The following STK39 variants were observed in gnomAD, a reference collection of about 807,000 sequenced individuals.
STK39 encodes STE20/SPS1-related proline-alanine-rich protein kinase.
A neutral mutation model predicts 77.8 loss-of-function variants in STK39; 20 were observed. That is an observed-to-expected ratio of 0.26 (90% confidence interval 0.18 to 0.37). The LOEUF is 0.37. STK39 is among the 10% of genes least tolerant of loss of function. STK39 has a pLI of 1.00. For synonymous variants in STK39, 246 were observed against 234.1 expected, an observed-to-expected ratio of 1.05 and a Z score of -0.47; for missense variants, 479 against 656.5, an observed-to-expected ratio of 0.73 and a Z score of 2.95.
At chr2:167,960,737 T>G (rs1240522109) in intron 17 of STK39, among the ~76,000 whole-genome samples, 2 of 151,908 alleles carry the variant, frequency 1.3e-5, no homozygotes, top group Non-Finnish European at 2.9e-5. Context: ...CAAATGCGGG[T>G]GCATTTTGGA....
chr2:168,140,346 T>A lies in STK39; in HGVS notation c.783A>T (p.Ile261=), dbSNP rs1241775409. ...CTCCTGTTGCTAATTCAATGGCAGTTATTCCAAAACTCCACATGTCAGCCT... is the reference window on the plus strand; with the variant it reads ...CTCCTGTTGCTAATTCAATGGCAGTAATTCCAAAACTCCACATGTCAGCCT... ...DFKADMWSFG[I]TAIELATGAA... Residue 261 remains isoleucine, a synonymous_variant, in exon 7 of 18, where the codon ATA becomes ATT. Transcript: ENST00000355999. 1 of 1,613,984 alleles carries A rather than the reference T, an allele frequency of 6.2e-7. No individual in the cohort carries two copies. Among genetic ancestry groups the A allele is most frequent in the African/African-American group, 1.3e-5 (1 of 74,932 alleles).
At chr2:168,244,365 A>G (rs1425876479) in intron 1 of STK39, among the ~76,000 whole-genome samples, 1 of 152,242 alleles carries the variant, frequency 6.6e-6, no homozygotes, top group Non-Finnish European at 1.5e-5. Flanking sequence ...AAATGAAGAA[A>G]AAGTCCTCCG....
chr2:168,025,321 C>T (rs114223420), intron 14 of STK39, among the ~76,000 whole-genome samples: 17 of 152,338 alleles, frequency 1.1e-4, no homozygotes, highest in East Asian at 1.9e-4. Context: ...ATCTCCAAAA[C>T]GGAATGTATC....
At chr2:167,959,995 G>A (rs1005500900) in intron 17 of STK39, among the ~76,000 whole-genome samples, 1 of 152,170 alleles carries the variant, frequency 6.6e-6, no homozygotes, top group South Asian at 2.1e-4. Context: ...CAATTTCAAA[G>A]TGAAGGAGAA....
At chr2:168,190,833 A>G (rs1689321790) in intron 1 of STK39, among the ~76,000 whole-genome samples, 1 of 152,190 alleles carries the variant, frequency 6.6e-6, no homozygotes, top group Non-Finnish European at 1.5e-5. Context: ...GGCAATATTG[A>G]AAAACTTCCT....
chr2:168,105,612 GA>G (rs1686948777), intron 10 of STK39, among the ~76,000 whole-genome samples: 1 of 152,190 alleles, frequency 6.6e-6, no homozygotes, highest in Non-Finnish European at 1.5e-5. Context: ...AAATTAAAGG[GA>G]AAATGTTAAA....
In STK39 at chr2:168,167,308, G is replaced by C; in HGVS notation, c.421C>G (p.Leu141Val). The change falls in exon 3 of 18, where the codon CTA becomes GTA. Residue 141 changes from leucine to valine, a missense_variant. Coordinates refer to ENST00000355999, the MANE Select transcript of STK39 (RefSeq NM_013233.3). ...KDELWLVMKLLSGGSMLDIIK... is the reference protein window; with the variant it reads ...KDELWLVMKLVSGGSMLDIIK... Reference sequence around the variant, plus strand: ...AACAAAATCCACTTACCTCCACTTAGTAATTTCATGACCAGCCAAAGTTCA... The same window carrying C: ...AACAAAATCCACTTACCTCCACTTACTAATTTCATGACCAGCCAAAGTTCA... The C allele has an allele frequency of 6.2e-7, 1 of 1,613,308 alleles. No homozygotes were observed. Among genetic ancestry groups the C allele is most frequent in the South Asian group, 1.1e-5 (1 of 91,034 alleles).
chr2:168,140,454 A>G, intron 6 of STK39, 64 bp from the exon 7 acceptor site: 1 of 1,418,970 alleles, frequency 7.0e-7, no homozygotes, highest in South Asian at 1.2e-5. Flanking sequence ...CATCAAGTCC[A>G]TGTCATGTCA....
chr2:168,053,468 T>C (rs1685447717), intron 14 of STK39, among the ~76,000 whole-genome samples: 1 of 152,178 alleles, frequency 6.6e-6, no homozygotes, highest in Non-Finnish European at 1.5e-5. Context: ...TATTTCTGGG[T>C]GGTGAGATTA....
At chr2:168,106,229 G>A (rs902935944) in intron 10 of STK39, among the ~76,000 whole-genome samples, 4 of 152,186 alleles carry the variant, frequency 2.6e-5, no homozygotes, top group African/African-American at 7.2e-5. Context: ...TACCAGATGT[G>A]AGCCTCTGGA....
chr2:168,215,144 C>T (rs763484963), intron 1 of STK39, among the ~76,000 whole-genome samples: 2 of 152,104 alleles, frequency 1.3e-5, no homozygotes, highest in African/African-American at 2.4e-5. Flanking sequence ...AAACAAAAAG[C>T]CCTTTTCTGA....
At chr2:168,052,709 A>G (rs551164655) in intron 14 of STK39, among the ~76,000 whole-genome samples, 1 of 152,322 alleles carries the variant, frequency 6.6e-6, no homozygotes, top group African/African-American at 2.4e-5. Flanking sequence ...TCCAACTGTT[A>G]GGTCCAACAC....
intron 14 of STK39, among the ~76,000 whole-genome samples, chr2:168,051,099 G>C (rs888973907): frequency 6.6e-6 from 1 of 152,174 alleles, no homozygotes; most frequent in African/African-American, 2.4e-5. Context: ...TCAGGGATAT[G>C]GTAACGGAGA....
chr2:167,967,173 C>G (rs1574351404), intron 16 of STK39, among the ~76,000 whole-genome samples: 1 of 152,226 alleles, frequency 6.6e-6, no homozygotes, highest in Admixed American at 6.5e-5. Context: ...ACCCTGCTTG[C>G]TCAGTAGCCA....
At chr2:167,975,212 C>G (rs1326719596) in intron 16 of STK39, among the ~76,000 whole-genome samples, 1 of 152,098 alleles carries the variant, frequency 6.6e-6, no homozygotes, top group Non-Finnish European at 1.5e-5. Context: ...ATAAATTACT[C>G]TTGGTTCACC....
chr2:168,009,185 G>A (rs1684207051), intron 16 of STK39, among the ~76,000 whole-genome samples: 1 of 152,142 alleles, frequency 6.6e-6, no homozygotes, highest in Middle Eastern at 3.4e-3. Context: ...AATGGGAGGT[G>A]GGGTAAAGAC....
chr2:168,126,724 C>G (rs904177695), intron 10 of STK39, among the ~76,000 whole-genome samples: 2 of 152,126 alleles, frequency 1.3e-5, no homozygotes, highest in African/African-American at 4.8e-5. Context: ...AGAAATGAGC[C>G]ATGATCGATG....
At chr2:168,015,731 T>C (rs1384238810) in intron 15 of STK39, among the ~76,000 whole-genome samples, 1 of 152,234 alleles carries the variant, frequency 6.6e-6, no homozygotes, top group Non-Finnish European at 1.5e-5. Flanking sequence ...TCTTTCTACT[T>C]GCTGTAATTG....
At chr2:168,104,895 A>G (rs528808424) in intron 10 of STK39, among the ~76,000 whole-genome samples, 1 of 152,226 alleles carries the variant, frequency 6.6e-6, no homozygotes, top group Non-Finnish European at 1.5e-5. Context: ...AAACACCTAG[A>G]TGTCCAACAA....
Sources: gnomAD v4.1 joint callset for allele counts (sites outside exome capture counted in the v4.1 genomes callset) on GRCh38, gnomAD v4.1.1 for gene constraint, MANE v1.5 for transcripts, NCBI Gene and HGNC (gene_info 2026-07-23, HGNC 2026-07-21) for gene names.